The following MAVS variants were observed in gnomAD, a reference collection of about 807,000 sequenced individuals.
The protein encoded by MAVS is mitochondrial antiviral-signaling protein.
MAVS carries 20 observed loss-of-function variants against 30.2 expected under a neutral mutation model. That is an observed-to-expected ratio of 0.66 (90% CI 0.47 to 0.96). The LOEUF (loss-of-function observed/expected upper bound fraction) is 0.96. Among genes scored for constraint, MAVS ranks in the 40% least tolerant of loss-of-function variants. MAVS has a pLI of 0.00. For synonymous variants in MAVS, 278 were observed against 293.9 expected (o/e 0.95, Z 0.55); for missense variants, 624 against 701.1 (o/e 0.89, Z 1.24).
intron 1 of MAVS, among the ~76,000 whole-genome samples, chr20:3,847,231 C>G (rs2089716518): frequency 6.6e-6 from 1 of 152,160 alleles, no homozygotes; most frequent in Admixed American, 6.5e-5. Flanking sequence ...CCCGCGGGCC[C>G]AGGGTGACGC....
intron 1 of MAVS, among the ~76,000 whole-genome samples, chr20:3,853,260 G>A (rs1268773831): frequency 6.0e-5 from 9 of 150,604 alleles, no homozygotes; most frequent in Admixed American, 6.6e-5. Flanking sequence ...GCCGAGGCGG[G>A]CGCATCACGA....
Position 3,859,516 on chromosome 20 carries a change from A to G in MAVS, c.292+1707A>G, listed in dbSNP as rs553257008. ...GAGTGAGACTCCGTCTCCAAAAAAA[A>G]AAAACCCAAAAATAGTGATCCCCTG... On this transcript the variant is annotated intron_variant, in intron 3 of 6. Coordinates refer to ENST00000428216, the MANE Select transcript of MAVS (RefSeq NM_020746.5). Among the ~76,000 whole-genome samples the G allele has an allele frequency of 8.3e-5, 10 of 119,826 alleles. No homozygotes were observed. In the East Asian group the frequency reaches 1.6e-3, roughly 19 times the overall value. 78.6% of individuals were successfully genotyped at this position (119,826 alleles called of 152,430 possible).
rs77762362 is a variant in MAVS, at chr20:3,847,559, C to T, written c.-68+656C>T. Among the ~76,000 whole-genome samples the T allele has an allele frequency of 7.4e-4, 113 of 152,192 alleles. 4 individuals carry two copies. The East Asian group carries it at 0.021, about 28-fold the overall frequency. ...GAAAACATGAAACAAACCAAAAACA[C>T]GAAAAAGGGATTCTCTGTATGGAAG... On this transcript the variant is annotated intron_variant, in intron 1 of 6. Coordinates refer to ENST00000428216, the MANE Select transcript of MAVS (RefSeq NM_020746.5).
chr20:3,858,328 C>G (rs2089831069), intron 3 of MAVS, among the ~76,000 whole-genome samples: 1 of 152,096 alleles, frequency 6.6e-6, no homozygotes, highest in Non-Finnish European at 1.5e-5. Context: ...GTGTCCCTGC[C>G]ACTCTGAGTG....
chr20:3,855,276 T>G (rs984210695), intron 2 of MAVS, among the ~76,000 whole-genome samples: 1 of 152,174 alleles, frequency 6.6e-6, no homozygotes, highest in African/African-American at 2.4e-5. Context: ...TGTGCACTGC[T>G]CAAAAATATG....
In MAVS at chr20:3,861,390, A is replaced by C. The variant is rs2089865956; in HGVS notation, c.351A>C (p.Pro117=). Residue 117 remains proline, a synonymous_variant, in exon 4 of 7, where the codon CCA becomes CCC. Coordinates refer to ENST00000428216, the MANE Select transcript of MAVS (RefSeq NM_020746.5). ...CACCGTCACTTCCTGCTGAGAGGCCAGGGCCCCCCACACCTGCTGCGGCCC... is the reference window on the plus strand; with the variant it reads ...CACCGTCACTTCCTGCTGAGAGGCCCGGGCCCCCCACACCTGCTGCGGCCC... The part of the protein sequence containing the change: ...LEPPSLPAER[P]GPPTPAAAHS... The C allele has an allele frequency of 6.2e-7, 1 of 1,613,904 alleles. No homozygotes were observed. The highest frequency in any genetic ancestry group is 1.1e-5 in the South Asian group (1 of 91,084).
chr20:3,873,037 T>G lies in MAVS; in HGVS notation c.*6890T>G, dbSNP rs2089966943. ...CTGATCAGTTATGTACTGTTTATAA[T>G]AAGTAAATCAGCAGAGGGGGAATAA... On this transcript the variant is annotated 3_prime_UTR_variant, in exon 7 of 7. Coordinates refer to ENST00000428216, the MANE Select transcript of MAVS (RefSeq NM_020746.5). 1 of 152,210 alleles carries G rather than the reference T, an allele frequency of 6.6e-6. No homozygotes were observed. Among genetic ancestry groups the G allele is most frequent in the Non-Finnish European group, 1.5e-5 (1 of 68,014 alleles). The allele number at this position is 152,210 out of a possible 1,614,324, so 9.4% of individuals were successfully genotyped here.
At position 3,875,585 on chromosome 20, in the gene MAVS, G is replaced by A. The variant is rs1184739416; in HGVS notation, c.*9438G>A. 1 of 152,184 alleles carries A rather than the reference G, an allele frequency of 6.6e-6. No individual in the cohort carries two copies. The highest frequency in any genetic ancestry group is 2.4e-5 in the African/African-American group (1 of 41,358). 9.4% of individuals were successfully genotyped at this position (152,184 alleles called of 1,614,324 possible). The stretch of plus-strand genomic sequence containing the variant: ...AGGTGGAGGGGTAGGAAGGGTGGAA[G>A]TGGCGGGAGGAAGTGGCAGGGCAGG... On this transcript the variant is annotated 3_prime_UTR_variant, in exon 7 of 7. Transcript: ENST00000428216.
chr20:3,857,557 C>G, intron 2 of MAVS, 78 bp from the exon 3 acceptor site: 1 of 1,486,024 alleles, frequency 6.7e-7, no homozygotes, highest in Non-Finnish European at 9.0e-7. Flanking sequence ...ACCCCTCCCC[C>G]CGCTGTGGCT....
rs149612188 is a variant in MAVS, at chr20:3,859,240, G to A, written c.292+1431G>A. 9.8e-3 allele frequency among the ~76,000 whole-genome samples: 1,491 copies of A among 151,658 alleles called. 29 individuals are homozygous for A. The highest frequency in any genetic ancestry group is 0.034 in the African/African-American group (1,416 of 41,328). On this transcript the variant is annotated intron_variant, in intron 3 of 6. Transcript: ENST00000428216. Reference sequence around the variant, plus strand: ...TAGTGATCCCTGGCTGGGCACGGTGGCTCACGCCTGTAATCCCAGCACTTT... The same window carrying A: ...TAGTGATCCCTGGCTGGGCACGGTGACTCACGCCTGTAATCCCAGCACTTT...
intron 1 of MAVS, among the ~76,000 whole-genome samples, chr20:3,848,508 C>T (rs1473386679): frequency 6.6e-6 from 1 of 152,224 alleles, no homozygotes; most frequent in Non-Finnish European, 1.5e-5. Context: ...TTAGTACTTG[C>T]CCCACGAGGA....
In MAVS at chr20:3,859,508, C is replaced by CAA. The variant is rs796640067; in HGVS notation, c.292+1710_292+1711dup. 8.2e-4 allele frequency among the ~76,000 whole-genome samples: 107 copies of CAA among 131,004 alleles called. 1 individual carries two copies. Among genetic ancestry groups the CAA allele is most frequent in the African/African-American group, 2.3e-3 (81 of 35,484 alleles). 85.9% of individuals were successfully genotyped at this position (131,004 alleles called of 152,430 possible). ...GGATGACAGAGTGAGACTCCGTCTCCAAAAAAAAAAAACCCAAAAATAGTG... is the reference window on the plus strand; with the variant it reads ...GGATGACAGAGTGAGACTCCGTCTCCAAAAAAAAAAAAAACCCAAAAATAGTG... On this transcript the variant is annotated intron_variant, in intron 3 of 6. Transcript: ENST00000428216.
intron 1 of MAVS, among the ~76,000 whole-genome samples, chr20:3,852,871 A>C (rs1383933599): frequency 1.7e-5 from 2 of 119,170 alleles, no homozygotes; most frequent in Non-Finnish European, 1.6e-5. Context: ...ACGGAGTCTC[A>C]CTCTGCCGCC....
In MAVS at chr20:3,857,699, C is replaced by T. The variant is rs901482417; in HGVS notation, c.182C>T (p.Thr61Ile). The T allele has an allele frequency of 1.2e-6, 2 of 1,614,132 alleles. No individual in the cohort carries two copies. Among genetic ancestry groups the T allele is most frequent in the Non-Finnish European group, 1.7e-6 (2 of 1,180,058 alleles). The change falls in exon 3 of 7, where the codon ACC (threonine) becomes ATC (isoleucine). Residue 61 changes from threonine to isoleucine, a missense_variant. Coordinates refer to ENST00000428216, the MANE Select transcript of MAVS (RefSeq NM_020746.5). The part of the protein sequence containing the change: ...NRDTLWHLFN[T>I]LQRRPGWVEY... ...GACACCCTCTGGCATCTCTTCAATA[C>T]CCTTCAGCGGCGGCCCGGCTGGGTG...
At position 3,872,682 on chromosome 20, in the gene MAVS, T is replaced by C. The variant is rs2089964079; in HGVS notation, c.*6535T>C. On this transcript the variant is annotated 3_prime_UTR_variant, in exon 7 of 7. Transcript: ENST00000428216. ...GGAAGCCATTTGGTTTAGCAGACAT[T>C]GTTTATTAAAGGAGTTACCTATGCC... 6.6e-6 allele frequency: 1 copy of C among 152,350 alleles called. No individual in the cohort carries two copies. Among genetic ancestry groups the C allele is most frequent in the Non-Finnish European group, 1.5e-5 (1 of 68,048 alleles). 9.4% of individuals were successfully genotyped at this position (152,350 alleles called of 1,614,324 possible).
rs1188475654 is a variant in MAVS at position 3,873,063 on chromosome 20, T to C, written c.*6916T>C. On this transcript the variant is annotated 3_prime_UTR_variant, in exon 7 of 7. Transcript: ENST00000428216. Reference sequence around the variant, plus strand: ...AAGTAAATCAGCAGAGGGGGAATAATACTTAGAACCTATAGAGAGTAAATC... The same window carrying C: ...AAGTAAATCAGCAGAGGGGGAATAACACTTAGAACCTATAGAGAGTAAATC... 1 of 152,302 alleles carries C rather than the reference T, an allele frequency of 6.6e-6. No individual in the cohort carries two copies. The highest frequency in any genetic ancestry group is 2.4e-5 in the African/African-American group (1 of 41,432). The allele number at this position is 152,302 out of a possible 1,614,324, so 9.4% of individuals were successfully genotyped here.
chr20:3,862,205 G>A lies in MAVS; in HGVS notation c.466-49G>A, dbSNP rs372374662. The A allele has an allele frequency of 7.6e-6, 12 of 1,589,162 alleles. No individual in the cohort carries two copies. In the African/African-American group the frequency reaches 1.6e-4, roughly 21 times the overall value. ...CCCAAGAGCACAAGCTGCCCTTTGTGAGCTCTTGGGAGAGGCAACTGCCTT... is the reference window on the plus strand; with the variant it reads ...CCCAAGAGCACAAGCTGCCCTTTGTAAGCTCTTGGGAGAGGCAACTGCCTT... On this transcript the variant is annotated intron_variant, in intron 4 of 6. Transcript: ENST00000428216.
At chr20:3,851,564 G>A (rs1454580178) in intron 1 of MAVS, among the ~76,000 whole-genome samples, 1 of 151,106 alleles carries the variant, frequency 6.6e-6, no homozygotes. Flanking sequence ...AAAACAAGCT[G>A]CTATCTGAGC....
intron 1 of MAVS, among the ~76,000 whole-genome samples, chr20:3,852,388 A>G (rs1221958307): frequency 6.6e-6 from 1 of 152,188 alleles, no homozygotes; most frequent in Non-Finnish European, 1.5e-5. Context: ...CTAACTAGCA[A>G]GCATACCTCA....
Sources: allele counts gnomAD v4.1 joint callset (sites outside exome capture counted in the v4.1 genomes callset), GRCh38; gene constraint gnomAD v4.1.1; transcripts MANE v1.5; gene names NCBI Gene and HGNC (gene_info 2026-07-23, HGNC 2026-07-21).